Variants in AR observed in about 807,000 individuals in gnomAD.
AR encodes dihydrotestosterone receptor.
Under a neutral mutation model 53.9 loss-of-function variants are expected in AR, and 8 were observed. The ratio of observed to expected loss-of-function variants is 0.15; its 90% CI spans 0.09 to 0.27. The LOEUF (loss-of-function observed/expected upper bound fraction) is 0.27. Among genes scored for constraint, AR ranks in the 10% least tolerant of loss-of-function variants. The pLI is 1.00. For missense variants in AR, 639 were observed against 742.5 expected, an observed-to-expected ratio of 0.86 and a Z score of 1.62; for synonymous variants, 359 against 316.4, an observed-to-expected ratio of 1.13 and a Z score of -1.43.
chrX:67,603,462 A>G, intron 1 of AR, among the ~76,000 whole-genome samples: 1 of 111,783 alleles, frequency 8.9e-6, no homozygotes, highest in Non-Finnish European at 1.9e-5. Context: ...GCCTTGAAGA[A>G]TAGTTAGGAT....
At chrX:67,549,025 A>C (rs1929887545) in intron 1 of AR, among the ~76,000 whole-genome samples, 1 of 112,432 alleles carries the variant, frequency 8.9e-6, no homozygotes, top group Non-Finnish European at 1.9e-5. Flanking sequence ...TTTATTGAAA[A>C]TTAATCAATT....
At position 67,724,757 on chromosome X, in the gene AR, A is replaced by G. The variant is rs956638672; in HGVS notation, c.*916A>G. 7 of 174,148 alleles carry G rather than the reference A, an allele frequency of 4.0e-5. No homozygotes were observed. Among genetic ancestry groups the G allele is most frequent in the African/African-American group, 2.1e-4 (7 of 33,831 alleles). 14.4% of individuals were successfully genotyped at this position (174,148 alleles called of 1,213,427 possible). On this transcript the variant is annotated 3_prime_UTR_variant, in exon 8 of 8. Coordinates refer to ENST00000374690, the MANE Select transcript of AR (RefSeq NM_000044.6). ...TCTCTCACTCTCTGCCTCCAACTTC[A>G]GATTGACTTTCAATAGTTTTTCTAA...
At chrX:67,546,794 C>A (rs1405493148) in intron 1 of AR, 32 bp downstream of exon 1, 7 of 1,173,267 alleles carry the variant, frequency 6.0e-6, no homozygotes, top group Non-Finnish European at 8.0e-6. Flanking sequence ...TGTCGCCTTT[C>A]GGCCCAGGGC....
chrX:67,586,491 T>C, intron 1 of AR, among the ~76,000 whole-genome samples: 1 of 112,267 alleles, frequency 8.9e-6, no homozygotes, highest in Non-Finnish European at 1.9e-5. Context: ...AATTCACTTG[T>C]CTGCTGTTAC....
chrX:67,656,507 A>T (rs955214339), intron 2 of AR, among the ~76,000 whole-genome samples: 2 of 111,723 alleles, frequency 1.8e-5, no homozygotes, highest in African/African-American at 3.3e-5. Flanking sequence ...CAACAAAAAC[A>T]ATAATAATGG....
intron 3 of AR, among the ~76,000 whole-genome samples, chrX:67,692,386 G>T (rs750239086): frequency 1.8e-5 from 2 of 112,591 alleles, no homozygotes; most frequent in Non-Finnish European, 3.7e-5. Flanking sequence ...CTGCATAACT[G>T]AGGTGTGCAC....
intron 1 of AR, among the ~76,000 whole-genome samples, chrX:67,635,193 C>T (rs1379548778): frequency 9.0e-6 from 1 of 111,298 alleles, no homozygotes; most frequent in African/African-American, 3.3e-5. Context: ...ATGTGCCTAC[C>T]ATGTGGCAGG....
intron 2 of AR, among the ~76,000 whole-genome samples, chrX:67,675,696 T>C (rs886739170): frequency 1.8e-5 from 2 of 112,149 alleles, no homozygotes; most frequent in Non-Finnish European, 3.8e-5. Flanking sequence ...TTCAAGAATG[T>C]CTTTCCTACC....
chrX:67,663,852 C>T (rs768570121), intron 2 of AR, among the ~76,000 whole-genome samples: 7 of 111,876 alleles, frequency 6.3e-5, no homozygotes, highest in East Asian at 5.6e-4. Flanking sequence ...CTGAACTTCT[C>T]GCTTCATTTC....
intron 1 of AR, among the ~76,000 whole-genome samples, chrX:67,574,085 T>C (rs1240392814): frequency 9.0e-6 from 1 of 111,283 alleles, no homozygotes; most frequent in Admixed American, 9.5e-5. Flanking sequence ...AAAATAGGAG[T>C]TGATAATTTT....
chrX:67,638,574 GTGA>G (rs1925576101), intron 1 of AR, among the ~76,000 whole-genome samples: 1 of 112,136 alleles, frequency 8.9e-6, no homozygotes, highest in Non-Finnish European at 1.9e-5. Flanking sequence ...CTAATGACCA[GTGA>G]TGATGAGCTT....
chrX:67,569,068 A>G (rs1350126849), intron 1 of AR: 1 of 1,182,019 alleles, frequency 8.5e-7, no homozygotes, highest in South Asian at 1.8e-5. Context: ...TTTCTAGGGT[A>G]GTGAGTGTTG....
At chrX:67,646,023 C>A (rs1926040272) in intron 2 of AR, among the ~76,000 whole-genome samples, 1 of 112,105 alleles carries the variant, frequency 8.9e-6, no homozygotes, top group Non-Finnish European at 1.9e-5. Flanking sequence ...AAACAAAAAT[C>A]TTTCTCTTCC....
intron 2 of AR, among the ~76,000 whole-genome samples, chrX:67,659,985 A>C (rs1454102963): frequency 9.0e-6 from 1 of 111,479 alleles, no homozygotes; most frequent in Non-Finnish European, 1.9e-5. Flanking sequence ...GCATTTTTTC[A>C]TGTGTCTGTT....
chrX:67,679,065 G>A (rs976616319), intron 2 of AR, among the ~76,000 whole-genome samples: 3 of 111,135 alleles, frequency 2.7e-5, no homozygotes, highest in African/African-American at 6.5e-5. Flanking sequence ...TAGTAGGCAA[G>A]GTGATGGATA....
chrX:67,630,219 T>C (rs960048752), intron 1 of AR, among the ~76,000 whole-genome samples: 7 of 111,032 alleles, frequency 6.3e-5, no homozygotes. Context: ...CGTTGATCTG[T>C]CTAATGTTGA....
At chrX:67,701,239 T>C (rs989771231) in intron 3 of AR, among the ~76,000 whole-genome samples, 8 of 111,956 alleles carry the variant, frequency 7.1e-5, no homozygotes, top group African/African-American at 2.6e-4. Flanking sequence ...AGTTTAATAA[T>C]TAAACTAAAC....
In AR at chrX:67,654,273, G is replaced by A. The variant is rs188031850; in HGVS notation, c.1768+10866G>A. 3.8e-4 allele frequency among the ~76,000 whole-genome samples: 42 copies of A among 111,480 alleles called. No individual in the cohort carries two copies. In the South Asian group the frequency reaches 0.014, roughly 38 times the overall value. ...GAGTGAGTCTTGGTCATAGGCATGCGTATACTTGCAGCGTCCCTGGGTAGG... is the reference window on the plus strand; with the variant it reads ...GAGTGAGTCTTGGTCATAGGCATGCATATACTTGCAGCGTCCCTGGGTAGG... On this transcript the variant is annotated intron_variant, in intron 2 of 7. Transcript: ENST00000374690.
In AR at chrX:67,676,373, A is replaced by C. The variant is rs759428683; in HGVS notation, c.1769-9637A>C. ...CAAAGTGAATTTTGTTTATCACCAC[A>C]AAAAATAGTCTGTTGCAGAGATAAC... On this transcript the variant is annotated intron_variant, in intron 2 of 7. Coordinates refer to ENST00000374690, the MANE Select transcript of AR (RefSeq NM_000044.6). 1.9e-3 allele frequency among the ~76,000 whole-genome samples: 216 copies of C among 112,414 alleles called. 2 individuals carry two copies. Among genetic ancestry groups the C allele is most frequent in the African/African-American group, 6.5e-3 (202 of 30,949 alleles).
Sources: gnomAD v4.1 joint callset for allele counts (sites outside exome capture counted in the v4.1 genomes callset) on GRCh38, gnomAD v4.1.1 for gene constraint, MANE v1.5 for transcripts, NCBI Gene and HGNC (gene_info 2026-07-23, HGNC 2026-07-21) for gene names.